The following SLIT3 variants were observed in gnomAD, a reference collection of about 807,000 sequenced individuals.
SLIT3 encodes the protein slit homolog 3 protein.
SLIT3 carries 68 observed loss-of-function variants against 184.0 expected under a neutral mutation model. That is an observed-to-expected ratio of 0.37 (90% confidence interval 0.30 to 0.45). The LOEUF is 0.45. Among genes scored for constraint, SLIT3 ranks in the 20% least tolerant of loss-of-function variants. The pLI is 1.00. For missense variants in SLIT3, 1,707 were observed against 2,026.0 expected (o/e 0.84, Z 3.02); for synonymous variants, 831 against 828.6 (o/e 1.00, Z -0.05).
intron 8 of SLIT3, among the ~76,000 whole-genome samples, chr5:168,815,232 G>A (rs1323154946): frequency 1.3e-5 from 2 of 152,244 alleles, no homozygotes; most frequent in Admixed American, 6.5e-5. Flanking sequence ...TTCCAAAGGA[G>A]AAAGAGTGAG....
chr5:168,766,734 C>G (rs1260449796), intron 14 of SLIT3, among the ~76,000 whole-genome samples: 1 of 152,196 alleles, frequency 6.6e-6, no homozygotes, highest in East Asian at 1.9e-4. Context: ...TCAGAATGCC[C>G]CTCTCTGTAA....
intron 4 of SLIT3, among the ~76,000 whole-genome samples, chr5:168,941,442 G>A (rs1475034500): frequency 6.6e-6 from 1 of 152,150 alleles, no homozygotes; most frequent in African/African-American, 2.4e-5. Context: ...AGTATGAAAT[G>A]GGACATTCTT....
At chr5:168,845,080 G>A (rs561869410) in intron 5 of SLIT3, among the ~76,000 whole-genome samples, 3 of 151,708 alleles carry the variant, frequency 2.0e-5, no homozygotes, top group South Asian at 2.1e-4. Context: ...CCTCTCTCCC[G>A]TTCCCCCGTC....
chr5:168,866,748 T>G (rs1021311026), intron 5 of SLIT3, among the ~76,000 whole-genome samples: 3 of 152,342 alleles, frequency 2.0e-5, no homozygotes, highest in South Asian at 2.1e-4. Flanking sequence ...AGTCCGAGTT[T>G]CTTCATCTTT....
intron 23 of SLIT3, among the ~76,000 whole-genome samples, chr5:168,721,746 A>G (rs1762947853): frequency 6.6e-6 from 1 of 152,214 alleles, no homozygotes; most frequent in African/African-American, 2.4e-5. Context: ...TCTATGAGCC[A>G]ACCCCACAAT....
intron 6 of SLIT3, among the ~76,000 whole-genome samples, chr5:168,841,519 C>A (rs954471551): frequency 7.2e-5 from 11 of 152,138 alleles, no homozygotes; most frequent in African/African-American, 2.4e-4. Flanking sequence ...ACTGGACATC[C>A]CCCATCGGGA....
intron 32 of SLIT3, among the ~76,000 whole-genome samples, chr5:168,677,607 C>G (rs910938279): frequency 2.6e-5 from 4 of 152,204 alleles, no homozygotes; most frequent in African/African-American, 7.2e-5. Flanking sequence ...CACCACCATC[C>G]CCGGCTAATT....
chr5:168,752,933 C>T (rs768260725), intron 18 of SLIT3, 22 bp downstream of exon 18: 7 of 1,612,692 alleles, frequency 4.3e-6, no homozygotes, highest in Admixed American at 1.7e-5. Context: ...AGTCCGTGGG[C>T]AGTGGACCCA....
chr5:169,236,543 T>C (rs1765208726), intron 3 of SLIT3, among the ~76,000 whole-genome samples: 1 of 151,902 alleles, frequency 6.6e-6, no homozygotes, highest in Non-Finnish European at 1.5e-5. Context: ...TGATCTTGGC[T>C]CACTACAACC....
At chr5:169,211,423 A>C (rs1052990626) in intron 3 of SLIT3, among the ~76,000 whole-genome samples, 7 of 152,118 alleles carry the variant, frequency 4.6e-5, no homozygotes, top group Non-Finnish European at 8.8e-5. Flanking sequence ...CATCACTCAG[A>C]GTAAAAGTCT....
intron 4 of SLIT3, among the ~76,000 whole-genome samples, chr5:168,973,560 T>C (rs760669781): frequency 5.3e-5 from 8 of 152,244 alleles, no homozygotes; most frequent in Non-Finnish European, 1.0e-4. Flanking sequence ...CTGAAAAATT[T>C]TAAACTGCCT....
At chr5:169,210,624 G>C (rs1229538295) in intron 3 of SLIT3, among the ~76,000 whole-genome samples, 1 of 152,132 alleles carries the variant, frequency 6.6e-6, no homozygotes, top group Non-Finnish European at 1.5e-5. Context: ...GAATGTGTTG[G>C]GTGGTGGGGG....
chr5:168,692,643 T>C lies in SLIT3; in HGVS notation c.3140A>G (p.His1047Arg). 1 of 1,614,088 alleles carries C rather than the reference T, an allele frequency of 6.2e-7. No individual in the cohort carries two copies. Among genetic ancestry groups the C allele is most frequent in the Non-Finnish European group, 8.5e-7 (1 of 1,179,966 alleles). The change falls in exon 29 of 36, where the codon CAT becomes CGT. Residue 1047 changes from histidine (H) to arginine (R), a missense_variant. His to Arg is a conservative substitution (Grantham distance 29, BLOSUM62 0). Around this residue, in one of 3 missense-constraint regions of SLIT3, gnomAD observed 1,307 missense variants for 1,511.6 expected, o/e 0.86. Coordinates refer to ENST00000519560, the MANE Select transcript of SLIT3 (RefSeq NM_003062.4). ...HCVPELNLCQHEAKCIPLDKG... is the reference protein window; with the variant it reads ...HCVPELNLCQREAKCIPLDKG... ...GTCCAGGGGGATGCACTTGGCCTCA[T>C]GCTGACAGAGGTTCAGCTCAGGCAC...
At chr5:168,813,313 G>GAA (rs34737518) in intron 8 of SLIT3, among the ~76,000 whole-genome samples, 4 of 135,044 alleles carry the variant, frequency 3.0e-5, no homozygotes, top group East Asian at 2.1e-4. Flanking sequence ...AGATAAGGAT[G>GAA]AAAAAAAAAA....
chr5:169,011,010 G>T (rs76413098), intron 4 of SLIT3, among the ~76,000 whole-genome samples: 1,990 of 152,166 alleles, frequency 0.013, 97 homozygotes, highest in East Asian at 0.09. Flanking sequence ...CTACTGAGAT[G>T]AGAAATGTGG....
chr5:168,945,245 C>T (rs1762436714), intron 4 of SLIT3, among the ~76,000 whole-genome samples: 1 of 112,806 alleles, frequency 8.9e-6, no homozygotes, highest in Admixed American at 8.9e-5. Context: ...TTGGTATCCA[C>T]ATTTTTTTTT....
rs1760989866 is a variant in SLIT3 at position 168,664,999 on chromosome 5, A to G, written c.*1455T>C. The G allele has an allele frequency of 6.6e-6, 1 of 152,182 alleles. No homozygotes were observed. Among genetic ancestry groups the G allele is most frequent in the South Asian group, 2.1e-4 (1 of 4,830 alleles). 9.4% of individuals were successfully genotyped at this position (152,182 alleles called of 1,614,324 possible). ...CAGAACAAGAGCAGGAAAAAACATC[A>G]TATTATTTCCTTTTCCGGCAGGGCT... On this transcript the variant is annotated 3_prime_UTR_variant, in exon 36 of 36. Coordinates refer to ENST00000519560, the MANE Select transcript of SLIT3 (RefSeq NM_003062.4).
intron 14 of SLIT3, among the ~76,000 whole-genome samples, chr5:168,766,613 C>G (rs1755354179): frequency 6.6e-6 from 1 of 152,216 alleles, no homozygotes; most frequent in African/African-American, 2.4e-5. Flanking sequence ...CTGGCACTGC[C>G]TCATCACAGC....
intron 4 of SLIT3, among the ~76,000 whole-genome samples, chr5:168,968,214 A>G (rs556335919): frequency 1.3e-5 from 2 of 152,228 alleles, no homozygotes; most frequent in South Asian, 2.1e-4. Context: ...CCTTATCAGC[A>G]AGCTTAGCGC....
Sources: allele counts gnomAD v4.1 joint callset (sites outside exome capture counted in the v4.1 genomes callset), GRCh38; gene constraint gnomAD v4.1.1; regional missense constraint gnomAD v4.1.1; transcripts MANE v1.5; gene names NCBI Gene and HGNC (gene_info 2026-07-23, HGNC 2026-07-21).